EHBP1: variants seen among roughly 807,000 people sequenced by gnomAD.
The protein encoded by EHBP1 is EH domain-binding protein 1.
In EHBP1, 55 loss-of-function variants were observed where a neutral mutation model predicts 144.0. The observed-to-expected ratio is 0.38, with a 90% CI of 0.31 to 0.48. The LOEUF is 0.48. Among genes scored for constraint, EHBP1 ranks in the 20% least tolerant of loss-of-function variants. The pLI, the probability that EHBP1 is intolerant of heterozygous loss-of-function variation, is 0.98. For synonymous variants in EHBP1, 469 were observed against 472.7 expected (o/e 0.99, Z 0.10); for missense variants, 1,200 against 1,364.2 (o/e 0.88, Z 1.90).
chr2:62,853,192 A>G (rs1039535667), intron 7 of EHBP1, among the ~76,000 whole-genome samples: 1 of 152,180 alleles, frequency 6.6e-6, no homozygotes. Context: ...GACCACCACA[A>G]TAAAACAAAT....
At chr2:62,935,106 G>A (rs1026534741) in intron 10 of EHBP1, among the ~76,000 whole-genome samples, 1 of 152,058 alleles carries the variant, frequency 6.6e-6, no homozygotes, top group Admixed American at 6.5e-5. Flanking sequence ...GAGGTGGGTG[G>A]ATCACGAGGT....
chr2:62,874,112 T>G, intron 9 of EHBP1, among the ~76,000 whole-genome samples: 1 of 152,208 alleles, frequency 6.6e-6, no homozygotes. Flanking sequence ...TAGTTTGAGC[T>G]GAATGTGACC....
intron 5 of EHBP1, among the ~76,000 whole-genome samples, chr2:62,805,470 T>C (rs2044370840): frequency 9.0e-6 from 1 of 111,106 alleles, no homozygotes; most frequent in African/African-American, 3.0e-5. Flanking sequence ...TGTATTTTCT[T>C]TTTTTTTTTT....
chr2:62,776,348 T>C (rs1246221585), intron 5 of EHBP1, among the ~76,000 whole-genome samples: 1 of 152,228 alleles, frequency 6.6e-6, no homozygotes, highest in African/African-American at 2.4e-5. Flanking sequence ...AGCTTCCATG[T>C]AGTCATGTAT....
intron 7 of EHBP1, among the ~76,000 whole-genome samples, chr2:62,849,148 C>T (rs1014681960): frequency 6.6e-6 from 1 of 151,942 alleles, no homozygotes. Flanking sequence ...GACTATGTAA[C>T]TTCCAAAACT....
intron 19 of EHBP1, among the ~76,000 whole-genome samples, chr2:63,022,074 A>G (rs1271665935): frequency 6.6e-6 from 1 of 151,852 alleles, no homozygotes; most frequent in Non-Finnish European, 1.5e-5. Flanking sequence ...CATTCGAAAC[A>G]TTTTTACTTA....
intron 2 of EHBP1, among the ~76,000 whole-genome samples, chr2:62,739,813 G>A (rs2038517820): frequency 6.6e-6 from 1 of 151,806 alleles, no homozygotes; most frequent in Non-Finnish European, 1.5e-5. Context: ...GCATGTGCCT[G>A]TAGTCCTAGC....
intron 1 of EHBP1, among the ~76,000 whole-genome samples, chr2:62,691,986 A>G (rs2033922355): frequency 6.6e-6 from 1 of 152,188 alleles, no homozygotes; most frequent in Admixed American, 6.5e-5. Context: ...GAGTTGTGCA[A>G]CCATCATCAC....
At chr2:62,828,044 G>A (rs557082516) in intron 6 of EHBP1, among the ~76,000 whole-genome samples, 8 of 152,262 alleles carry the variant, frequency 5.3e-5, no homozygotes, top group Non-Finnish European at 7.4e-5. Context: ...AGACATTCAC[G>A]TAAGGTAATA....
At chr2:62,862,636 T>G (rs899034441) in intron 8 of EHBP1, among the ~76,000 whole-genome samples, 2 of 152,020 alleles carry the variant, frequency 1.3e-5, no homozygotes, top group African/African-American at 4.8e-5. Flanking sequence ...TAAAAGTAAT[T>G]AATAAATGTC....
chr2:62,962,976 C>G (rs1237402525), intron 14 of EHBP1, among the ~76,000 whole-genome samples: 2 of 152,320 alleles, frequency 1.3e-5, no homozygotes, highest in Admixed American at 6.5e-5. Context: ...TCTCACATAA[C>G]AGGTAGCAGG....
rs891054354 is a variant in EHBP1, at chr2:62,707,441, A to G, written c.104+146A>G. The G allele has an allele frequency of 4.7e-6, 3 of 638,530 alleles. No homozygotes were observed. In the Admixed American group the frequency reaches 6.8e-5, roughly 14 times the overall value. 39.6% of individuals were successfully genotyped at this position (638,530 alleles called of 1,614,324 possible). A position where few individuals can be genotyped will look rare whatever the true frequency, so the allele number is the denominator to read the frequency against. On this transcript the variant is annotated intron_variant, in intron 2 of 22. Coordinates refer to ENST00000431489, the MANE Select transcript of EHBP1 (RefSeq NM_001142616.3). ...TGGGGCGCAGATAACTCTAACAAGTACTGTGCTGTGCACTGTTGCTGCTAG... is the reference window on the plus strand; with the variant it reads ...TGGGGCGCAGATAACTCTAACAAGTGCTGTGCTGTGCACTGTTGCTGCTAG...
At chr2:62,862,479 G>A (rs370469440) in intron 8 of EHBP1, among the ~76,000 whole-genome samples, 3 of 152,052 alleles carry the variant, frequency 2.0e-5, no homozygotes, top group African/African-American at 7.2e-5. Flanking sequence ...GCGTGATGGC[G>A]GGCGCCTGTA....
chr2:62,754,681 G>T (rs1034529718), intron 3 of EHBP1, among the ~76,000 whole-genome samples: 1 of 152,208 alleles, frequency 6.6e-6, no homozygotes, highest in African/African-American at 2.4e-5. Flanking sequence ...TCAAGCCTCA[G>T]CAATGGTGGG....
chr2:62,874,887 A>G (rs1166780211), intron 10 of EHBP1, among the ~76,000 whole-genome samples: 1 of 151,946 alleles, frequency 6.6e-6, no homozygotes, highest in Admixed American at 6.6e-5. Context: ...GCCTCCCCAC[A>G]CCACTTTGAT....
At chr2:63,002,584 A>C (rs1257934179) in intron 19 of EHBP1, among the ~76,000 whole-genome samples, 3 of 152,078 alleles carry the variant, frequency 2.0e-5, no homozygotes, top group Non-Finnish European at 4.4e-5. Flanking sequence ...GGGTTTACTT[A>C]TGGTTGTTAC....
At chr2:62,942,174 A>G (rs995065056) in intron 10 of EHBP1, among the ~76,000 whole-genome samples, 3 of 152,164 alleles carry the variant, frequency 2.0e-5, no homozygotes, top group Non-Finnish European at 4.4e-5. Flanking sequence ...CTGTTTTGCC[A>G]TCATTAAATT....
chr2:62,732,253 A>T (rs957304651), intron 2 of EHBP1, among the ~76,000 whole-genome samples: 1 of 151,950 alleles, frequency 6.6e-6, no homozygotes, highest in African/African-American at 2.4e-5. Context: ...AGTTTCCTAG[A>T]TCTGTGGTTT....
At chr2:62,867,755 C>G (rs2050156121) in intron 9 of EHBP1, among the ~76,000 whole-genome samples, 1 of 152,018 alleles carries the variant, frequency 6.6e-6, no homozygotes, top group African/African-American at 2.4e-5. Flanking sequence ...ATAATCAAAA[C>G]AACTTTGAAA....
Sources: gnomAD v4.1 joint callset for allele counts (sites outside exome capture counted in the v4.1 genomes callset) on GRCh38, gnomAD v4.1.1 for gene constraint, MANE v1.5 for transcripts, NCBI Gene and HGNC (gene_info 2026-07-23, HGNC 2026-07-21) for gene names.